The following DOCK8 variants were observed in gnomAD, a reference collection of about 807,000 sequenced individuals.
DOCK8 encodes the protein dedicator of cytokinesis protein 8.
DOCK8 carries 141 observed loss-of-function variants against 245.6 expected under a neutral mutation model. The ratio of observed to expected loss-of-function variants is 0.57; its 90% CI spans 0.50 to 0.66. DOCK8 has a LOEUF of 0.66. Ranked by LOEUF, DOCK8 falls within the 30% of genes least tolerant of loss-of-function variation. The pLI is 0.00. For missense variants in DOCK8, 2,965 were observed against 2,603.4 expected (o/e 1.14, Z -3.02); for synonymous variants, 1,168 against 970.2 (o/e 1.20, Z -3.79).
intron 5 of DOCK8, among the ~76,000 whole-genome samples, chr9:309,969 G>T (rs2050022901): frequency 6.6e-6 from 1 of 152,106 alleles, no homozygotes; most frequent in Admixed American, 6.6e-5. Flanking sequence ...AGGCTGGATT[G>T]CAGAAGAAGT....
chr9:277,256 A>C (rs968334945), intron 2 of DOCK8, among the ~76,000 whole-genome samples: 4 of 144,894 alleles, frequency 2.8e-5, no homozygotes, highest in Non-Finnish European at 4.6e-5. Flanking sequence ...TCATCTCTAC[A>C]ACAAAGTTAA....
At chr9:450,027 C>G (rs1024940108) in intron 45 of DOCK8, 100 bp downstream of exon 45, 2 of 1,333,768 alleles carry the variant, frequency 1.5e-6, no homozygotes, top group African/African-American at 2.9e-5. Flanking sequence ...GGACTTTGAT[C>G]CATAGACAAA....
At chr9:412,288 C>T (rs1478709290) in intron 28 of DOCK8, among the ~76,000 whole-genome samples, 1 of 151,456 alleles carries the variant, frequency 6.6e-6, no homozygotes. Flanking sequence ...GTTTGTAGTC[C>T]CAGCTACTTG....
chr9:376,797 T>C (rs893489962), intron 19 of DOCK8, among the ~76,000 whole-genome samples, 180 bp from the exon 20 acceptor site: 5 of 152,352 alleles, frequency 3.3e-5, no homozygotes, highest in South Asian at 4.1e-4. Flanking sequence ...TTCAACTTCA[T>C]GCACCACATT....
chr9:264,086 C>T (rs2047983124), intron 1 of DOCK8, among the ~76,000 whole-genome samples: 1 of 152,208 alleles, frequency 6.6e-6, no homozygotes, highest in Admixed American at 6.5e-5. Flanking sequence ...TACTTTATGA[C>T]TCAACACACT....
At chr9:395,440 G>A (rs2054404329) in intron 24 of DOCK8, among the ~76,000 whole-genome samples, 2 of 152,080 alleles carry the variant, frequency 1.3e-5, no homozygotes, top group South Asian at 2.1e-4. Context: ...GTGTATTAAC[G>A]TTCTCTCATG....
At chr9:245,361 T>G (rs1423314800) in intron 1 of DOCK8, among the ~76,000 whole-genome samples, 1 of 152,064 alleles carries the variant, frequency 6.6e-6, no homozygotes, top group Non-Finnish European at 1.5e-5. Context: ...AGCACCACCA[T>G]GCCTGGCTGA....
chr9:433,948 C>G lies in DOCK8; in HGVS notation c.4859C>G (p.Pro1620Arg), dbSNP rs1564064333. The G allele has an allele frequency of 6.2e-7, 1 of 1,613,890 alleles. No homozygotes were observed. Among genetic ancestry groups the G allele is most frequent in the East Asian group, 2.2e-5 (1 of 44,876 alleles). The change falls in exon 38 of 48, where the codon CCT (proline) becomes CGT (arginine). Residue 1620 changes from proline (P) to arginine (R), a missense_variant. Pro to Arg is a moderately radical substitution (Grantham distance 103). Around this residue, in one of 3 missense-constraint regions of DOCK8, gnomAD observed 2,825 missense variants for 2,453.5 expected, o/e 1.15. Coordinates refer to ENST00000432829, the MANE Select transcript of DOCK8 (RefSeq NM_203447.4). ...TVKMREFQED[P>R]EMLMDLMYRI... Reference sequence around the variant, plus strand: ...AAAATGAGGGAATTTCAGGAAGATCCTGAGATGCTTATGGATCTCATGTAC... The same window carrying G: ...AAAATGAGGGAATTTCAGGAAGATCGTGAGATGCTTATGGATCTCATGTAC...
chr9:230,801 G>A (rs1314049730), intron 1 of DOCK8, among the ~76,000 whole-genome samples: 2 of 151,892 alleles, frequency 1.3e-5, no homozygotes, highest in African/African-American at 2.4e-5. Flanking sequence ...CTGGATATTC[G>A]CCCTTTGTCA....
At chr9:246,189 A>G (rs1215777689) in intron 1 of DOCK8, among the ~76,000 whole-genome samples, 2 of 151,800 alleles carry the variant, frequency 1.3e-5, no homozygotes, top group Admixed American at 6.6e-5. Flanking sequence ...ACTGCACTCC[A>G]TCCTAGGTGA....
At chr9:309,632 C>G (rs1283168078) in intron 5 of DOCK8, among the ~76,000 whole-genome samples, 1 of 152,178 alleles carries the variant, frequency 6.6e-6, no homozygotes, top group Admixed American at 6.5e-5. Flanking sequence ...TTAAAGCACA[C>G]CGCAGCCAAA....
chr9:271,801 T>C (rs1587698703), intron 2 of DOCK8, 72 bp downstream of exon 2: 1 of 1,021,492 alleles, frequency 9.8e-7, no homozygotes, highest in South Asian at 1.4e-5. Flanking sequence ...GTTTGCCTCC[T>C]GTTCCTTAGA....
intron 27 of DOCK8, among the ~76,000 whole-genome samples, chr9:405,752 G>A (rs566132147): frequency 1.2e-4 from 18 of 152,226 alleles, no homozygotes; most frequent in African/African-American, 4.1e-4. Context: ...TAGTACAAAA[G>A]TGAAGGCTTG....
intron 1 of DOCK8, among the ~76,000 whole-genome samples, chr9:233,321 G>A (rs2047163570): frequency 6.6e-6 from 1 of 152,108 alleles, no homozygotes; most frequent in African/African-American, 2.4e-5. Context: ...TGCCAACTAT[G>A]TGGTCAATTT....
At chr9:338,752 G>A (rs2051437062) in intron 12 of DOCK8, among the ~76,000 whole-genome samples, 1 of 152,118 alleles carries the variant, frequency 6.6e-6, no homozygotes, top group Admixed American at 6.5e-5. Context: ...ATGGTCAGAC[G>A]GGCTTCCTTA....
chr9:417,765 G>A (rs761751834), intron 29 of DOCK8, among the ~76,000 whole-genome samples: 4 of 152,094 alleles, frequency 2.6e-5, no homozygotes, highest in Admixed American at 6.5e-5. Context: ...TTAAAATAAT[G>A]CCAATTATTA....
At chr9:229,326 CTCCTT>C (rs1313199588) in intron 1 of DOCK8, among the ~76,000 whole-genome samples, 1 of 152,156 alleles carries the variant, frequency 6.6e-6, no homozygotes, top group East Asian at 1.9e-4. Context: ...ATAAAACTGA[CTCCTT>C]TAAAGTTACC....
chr9:325,536 T>C, intron 7 of DOCK8, 135 bp from the exon 8 acceptor site: 2 of 768,762 alleles, frequency 2.6e-6, no homozygotes, highest in Non-Finnish European at 4.6e-6. Context: ...AGTGCGATTC[T>C]CATATACTTG....
intron 46 of DOCK8, among the ~76,000 whole-genome samples, chr9:463,176 G>C (rs2057859498): frequency 6.6e-6 from 1 of 151,970 alleles, no homozygotes; most frequent in Admixed American, 6.6e-5. Flanking sequence ...AGGATCACTG[G>C]GGCCCAGGAG....
Sources: gnomAD v4.1 joint callset for allele counts (sites outside exome capture counted in the v4.1 genomes callset) on GRCh38, gnomAD v4.1.1 for gene constraint, gnomAD v4.1.1 regional missense constraint, MANE v1.5 for transcripts, NCBI Gene and HGNC (gene_info 2026-07-23, HGNC 2026-07-21) for gene names.